GPAM: variants seen among roughly 807,000 people sequenced by gnomAD.
GPAM encodes the protein glycerol-3-phosphate acyltransferase 1, mitochondrial.
A neutral mutation model predicts 105.0 loss-of-function variants in GPAM; 56 were observed. The observed-to-expected ratio is 0.53, with a 90% CI of 0.43 to 0.67. The LOEUF is 0.67. GPAM is among the 30% of genes least tolerant of loss of function. GPAM has a pLI of 0.00. For missense variants in GPAM, 855 were observed against 989.8 expected (o/e 0.86, Z 1.83); for synonymous variants, 368 against 354.4 (o/e 1.04, Z -0.43).
rs776216145 is a variant in GPAM at position 112,177,988 on chromosome 10, T to C, written c.295A>G (p.Thr99Ala). The stretch of plus-strand genomic sequence containing the variant: ...ACATAAGAAATTTCTTTTTACCTTG[T>C]GTGAGTTTCATTGATATAAATAACA... ...RNVIYINETH[T>A]RHRGWLARRL... Residue 99 changes from threonine (T) to alanine (A), a missense_variant, in exon 5 of 22, where the codon ACA (threonine) becomes GCA (alanine). Thr to Ala is a moderately conservative substitution (Grantham distance 58, BLOSUM62 0). Coordinates refer to ENST00000348367, the MANE Select transcript of GPAM (RefSeq NM_001244949.2). The C allele has an allele frequency of 2.6e-5, 41 of 1,555,902 alleles. No homozygotes were observed. The highest frequency in any genetic ancestry group is 3.5e-5 in the Non-Finnish European group (40 of 1,127,664).
Position 112,190,749 on chromosome 10 carries a change from C to CAT in GPAM, n.211-7860_211-7859dup, listed in dbSNP as rs1847648076. On this transcript the variant is annotated intron_variant and non_coding_transcript_variant, in intron 1 of 3. Coordinates refer to the GPAM transcript ENST00000480130. ...GGACTGCTAATTGCATTACCCATCA[C>CAT]ATATATATTGGTTTATGAAATCATA... Among the ~76,000 whole-genome samples, 5 of 152,052 alleles carry CAT rather than the reference C, an allele frequency of 3.3e-5. No homozygotes were observed. In the South Asian group the frequency reaches 1.0e-3, roughly 32 times the overall value.
chr10:112,175,587 G>A lies in GPAM; in HGVS notation c.413+13C>T. The A allele has an allele frequency of 7.1e-7, 1 of 1,402,684 alleles. No individual in the cohort carries two copies. Among genetic ancestry groups the A allele is most frequent in the South Asian group, 1.2e-5 (1 of 86,884 alleles). 86.9% of individuals were successfully genotyped at this position (1,402,684 alleles called of 1,614,324 possible). On this transcript the variant is annotated intron_variant, in intron 6 of 21. Coordinates refer to ENST00000348367, the MANE Select transcript of GPAM (RefSeq NM_001244949.2). ...CTGCCTCTTCCCACCTTTACACCTT[G>A]CCCCGCCCTTACCTACTGCTGTTCA...
intron 13 of GPAM, among the ~76,000 whole-genome samples, chr10:112,164,080 C>T (rs1798092087): frequency 6.6e-6 from 1 of 152,082 alleles, no homozygotes; most frequent in African/African-American, 2.4e-5. Flanking sequence ...ATTCAAGATG[C>T]CTTATTTTAA....
intron 1 of GPAM, among the ~76,000 whole-genome samples, chr10:112,192,259 T>C (rs578178173): frequency 3.6e-4 from 55 of 152,340 alleles, no homozygotes; most frequent in Non-Finnish European, 5.0e-4. Context: ...TCCTGCTAAG[T>C]GCTGAAGACA....
chr10:112,153,704 TA>T, intron 21 of GPAM, 38 bp from the exon 22 acceptor site: 2 of 1,597,980 alleles, frequency 1.3e-6, no homozygotes, highest in South Asian at 2.2e-5. Context: ...AGGCAAAAAA[TA>T]AAAAATAAAA....
intron 1 of GPAM, among the ~76,000 whole-genome samples, chr10:112,189,205 T>C (rs1847627799): frequency 1.3e-5 from 2 of 152,228 alleles, no homozygotes; most frequent in African/African-American, 4.8e-5. Context: ...GCATGAATTA[T>C]TCTTACTGGA....
At chr10:112,198,042 T>C (rs1847746906) in intron 1 of GPAM, among the ~76,000 whole-genome samples, 1 of 152,210 alleles carries the variant, frequency 6.6e-6, no homozygotes, top group Non-Finnish European at 1.5e-5. Flanking sequence ...GTAAACTCAA[T>C]TTATGGTTTT....
At chr10:112,226,415 T>C in the GPAM span, among the ~76,000 whole-genome samples, 1 of 151,768 alleles carries the variant, frequency 6.6e-6, no homozygotes, top group African/African-American at 2.4e-5. Flanking sequence ...CCACTGGAAA[T>C]AGAAAAGGAG....
chr10:112,225,459 C>A, the GPAM span, among the ~76,000 whole-genome samples: 2 of 152,090 alleles, frequency 1.3e-5, no homozygotes, highest in African/African-American at 4.8e-5. Context: ...CTTTCCATTC[C>A]ACAATGCCAC....
chr10:112,212,204 G>A (rs1276977297), intron 1 of GPAM, among the ~76,000 whole-genome samples: 1 of 152,186 alleles, frequency 6.6e-6, no homozygotes, highest in African/African-American at 2.4e-5. Flanking sequence ...GAGGCAGACA[G>A]ACAGGAATAT....
chr10:112,153,111 A>G lies in GPAM; in HGVS notation c.*439T>C. ...TGAATGGATGACTCAATTATTTTTA[A>G]AGGAAGCATTAACCACTAACCAGAT... is the stretch of plus-strand genomic sequence containing the variant. On this transcript the variant is annotated 3_prime_UTR_variant, in exon 22 of 22. Coordinates refer to ENST00000348367, the MANE Select transcript of GPAM (RefSeq NM_001244949.2). 9.9e-7 allele frequency: 1 copy of G among 1,009,432 alleles called. No individual in the cohort carries two copies. Among genetic ancestry groups the G allele is most frequent in the Non-Finnish European group, 1.2e-6 (1 of 841,686 alleles). The allele number at this position is 1,009,432 out of a possible 1,614,324, so 62.5% of individuals were successfully genotyped here. A position where few individuals can be genotyped will look rare whatever the true frequency, so the allele number is the denominator to read the frequency against.
intron 1 of GPAM, among the ~76,000 whole-genome samples, chr10:112,197,632 C>G: frequency 7.5e-6 from 1 of 132,922 alleles, no homozygotes; most frequent in Non-Finnish European, 1.6e-5. Flanking sequence ...TGCTATCCCT[C>G]CACCCTCCCC....
chr10:112,179,620 T>C (rs564904653), intron 4 of GPAM, among the ~76,000 whole-genome samples: 40 of 152,290 alleles, frequency 2.6e-4, no homozygotes, highest in Non-Finnish European at 4.3e-4. Context: ...TATACCAGAC[T>C]CAGAATTCTA....
chr10:112,171,471 C>G (rs1847311811), intron 9 of GPAM, among the ~76,000 whole-genome samples: 1 of 152,164 alleles, frequency 6.6e-6, no homozygotes, highest in Non-Finnish European at 1.5e-5. Context: ...CATGTCATTT[C>G]TCAAGTACAG....
chr10:112,169,004 A>T (rs1364839142), intron 9 of GPAM, 52 bp from the exon 10 acceptor site: 1 of 1,151,420 alleles, frequency 8.7e-7, no homozygotes, highest in Non-Finnish European at 1.3e-6. Context: ...TAAAAAGAAT[A>T]CTCACATTCC....
At position 112,160,814 on chromosome 10, in the gene GPAM, G is replaced by A. The variant is rs202234246; in HGVS notation, c.1549C>T (p.Leu517=). The change falls in exon 16 of 22, where the codon CTG becomes TTG. Residue 517 remains leucine (L), a synonymous_variant. Transcript: ENST00000348367. The stretch of plus-strand genomic sequence containing the variant: ...AACCCCAGGTCAAAATCACGAGCCA[G>A]GACTTCCTCTTTCATCACAAAGAAG... The part of the protein sequence containing the change: ...EDFFVMKEEV[L]ARDFDLGFSG... 1 of 1,613,594 alleles carries A rather than the reference G, an allele frequency of 6.2e-7. No individual in the cohort carries two copies. The highest frequency in any genetic ancestry group is 2.2e-5 in the East Asian group (1 of 44,868).
rs143186717 is a variant in GPAM, at chr10:112,152,219, C to G, written c.*1331G>C. ...TCCATAATATCTTGGAGATAAGCAACAGTAAACTGTTAGAAAACGTTTTAA... is the reference window on the plus strand; with the variant it reads ...TCCATAATATCTTGGAGATAAGCAAGAGTAAACTGTTAGAAAACGTTTTAA... On this transcript the variant is annotated 3_prime_UTR_variant, in exon 22 of 22. Transcript: ENST00000348367. The G allele has an allele frequency of 6.7e-5, 65 of 977,024 alleles. 2 individuals carry two copies. The East Asian group carries it at 5.6e-3, about 84-fold the overall frequency. 60.5% of individuals were successfully genotyped at this position (977,024 alleles called of 1,614,324 possible).
At chr10:112,182,268 GTTTA>G (rs1847523454) in intron 2 of GPAM, among the ~76,000 whole-genome samples, 1 of 152,236 alleles carries the variant, frequency 6.6e-6, no homozygotes, top group South Asian at 2.1e-4. Context: ...AGGAAGGCAT[GTTTA>G]TTTAATTAAG....
upstream of GPAM, among the ~76,000 whole-genome samples, chr10:112,184,105 T>C (rs1420425534): frequency 6.6e-6 from 1 of 152,184 alleles, no homozygotes; most frequent in East Asian, 1.9e-4. Flanking sequence ...TTATGAGATC[T>C]GTAAGACTAT....
Sources: allele counts gnomAD v4.1 joint callset (sites outside exome capture counted in the v4.1 genomes callset), GRCh38; gene constraint gnomAD v4.1.1; transcripts MANE v1.5; gene names NCBI Gene and HGNC (gene_info 2026-07-23, HGNC 2026-07-21).